Variants in LRRN2 observed in about 807,000 individuals in gnomAD.
LRRN2 encodes leucine-rich repeat neuronal protein 2.
Under a neutral mutation model 35.7 loss-of-function variants are expected in LRRN2, and 10 were observed. The ratio of observed to expected loss-of-function variants is 0.28; its 90% CI spans 0.17 to 0.47. LRRN2 has a LOEUF of 0.47. Among genes scored for constraint, LRRN2 ranks in the 20% least tolerant of loss-of-function variants. LRRN2 has a pLI of 0.99. For synonymous variants in LRRN2, 391 were observed against 409.6 expected (o/e 0.95, Z 0.55); for missense variants, 731 against 940.3 (o/e 0.78, Z 2.91).
intron 1 of LRRN2, among the ~76,000 whole-genome samples, chr1:204,654,033 CA>C (rs56179230): frequency 0.036 from 3,039 of 84,314 alleles, 53 homozygotes; most frequent in East Asian, 0.25. Context: ...GAGACCCTGA[CA>C]AAAAAAAAAA....
rs866904834 is a variant in LRRN2 at position 204,619,767 on chromosome 1, G to A, written c.226C>T (p.Leu76=). The change falls in exon 2 of 2, where the codon CTG becomes TTG. Residue 76 remains leucine, a synonymous_variant. Transcript: ENST00000367177. ...ALPAGTQTLL[L]QSNSIVRVDQ... The stretch of plus-strand genomic sequence containing the variant: ...ACACGGACAATGCTGTTGCTCTGCA[G>A]GAGCAGGGTCTGTGTGCCTGCGGGG... 3 of 1,614,260 alleles carry A rather than the reference G, an allele frequency of 1.9e-6. No homozygotes were observed. The highest frequency in any genetic ancestry group is 2.5e-6 in the Non-Finnish European group (3 of 1,180,036).
At chr1:204,661,191 T>A (rs560105696) in intron 1 of LRRN2, among the ~76,000 whole-genome samples, 3 of 152,304 alleles carry the variant, frequency 2.0e-5, no homozygotes, top group Admixed American at 2.0e-4. Context: ...GCAGAAGTGA[T>A]ACAATGTGGA....
At chr1:204,680,951 A>G (rs1315538148) in intron 1 of LRRN2, among the ~76,000 whole-genome samples, 1 of 150,892 alleles carries the variant, frequency 6.6e-6, no homozygotes, top group Non-Finnish European at 1.5e-5. Context: ...CAGCAAACAG[A>G]GAGTCACTTT....
intron 1 of LRRN2, among the ~76,000 whole-genome samples, chr1:204,679,501 GGT>G (rs939409141): frequency 2.2e-4 from 34 of 152,198 alleles, no homozygotes; most frequent in African/African-American, 7.2e-4. Flanking sequence ...AACCCAGGCT[GGT>G]TGCTAATAAT....
intron 1 of LRRN2, among the ~76,000 whole-genome samples, chr1:204,642,046 G>T (rs543680895): frequency 6.6e-6 from 1 of 152,234 alleles, no homozygotes; most frequent in African/African-American, 2.4e-5. Context: ...GGGTGCAGTG[G>T]CGGACCAGGT....
At chr1:204,683,805 C>T (rs1399987329) in intron 1 of LRRN2, among the ~76,000 whole-genome samples, 3 of 152,164 alleles carry the variant, frequency 2.0e-5, no homozygotes, top group Non-Finnish European at 4.4e-5. Context: ...GGAAGAAGGC[C>T]TAGGAGGCTC....
Position 204,685,076 on chromosome 1 carries a change from C to T in LRRN2, c.-227+244G>A, listed in dbSNP as rs1462482403. Among the ~76,000 whole-genome samples the T allele has an allele frequency of 1.3e-5, 2 of 152,268 alleles. 1 individual carries two copies. The highest frequency in any genetic ancestry group is 3.9e-4 in the East Asian group (2 of 5,152). Reference sequence around the variant, plus strand: ...GCCCTCCGTCCCTCTGCCCCTCGGCCGCCTCCCTCTCCCAAGTCTCCGGCT... The same window carrying T: ...GCCCTCCGTCCCTCTGCCCCTCGGCTGCCTCCCTCTCCCAAGTCTCCGGCT... On this transcript the variant is annotated intron_variant, in intron 1 of 1. Transcript: ENST00000367177.
chr1:204,643,989 G>A (rs963610608), intron 1 of LRRN2, among the ~76,000 whole-genome samples: 1 of 152,042 alleles, frequency 6.6e-6, no homozygotes, highest in Non-Finnish European at 1.5e-5. Flanking sequence ...TTATCATGAG[G>A]ATTAAATGTG....
intron 1 of LRRN2, among the ~76,000 whole-genome samples, chr1:204,645,861 G>A (rs568857542): frequency 2.0e-5 from 3 of 152,220 alleles, no homozygotes; most frequent in South Asian, 4.2e-4. Context: ...AAGGGCATGG[G>A]GGAAACCACG....
intron 1 of LRRN2, among the ~76,000 whole-genome samples, chr1:204,672,630 C>T (rs1668738017): frequency 6.6e-6 from 1 of 152,204 alleles, no homozygotes; most frequent in African/African-American, 2.4e-5. Context: ...ACTCCTGCTG[C>T]AGGCAGAAGT....
rs370117075 is a variant in LRRN2 at position 204,618,706 on chromosome 1, G to C, written c.1287C>G (p.Phe429Leu). Residue 429 changes from phenylalanine (F) to leucine (L), a missense_variant, in exon 2 of 2, where the codon TTC (phenylalanine) becomes TTG (leucine). By Grantham distance (22) the Phe-to-Leu change is conservative (BLOSUM62 0). Around this residue, in one of 3 missense-constraint regions of LRRN2, gnomAD observed 256 missense variants for 392.4 expected, o/e 0.65. Coordinates refer to ENST00000367177, the MANE Select transcript of LRRN2 (RefSeq NM_201630.2). ...CACTGGCTACCTGGAGGCTTGGGGG[G>C]AAGCTTCGTGGGGAGATGAGGGGCA... ...HCLPLISPRS[F>L]PPSLQVASGE... 81 of 1,599,842 alleles carry C rather than the reference G, an allele frequency of 5.1e-5. No individual in the cohort carries two copies. The highest frequency in any genetic ancestry group is 6.7e-5 in the Non-Finnish European group (78 of 1,171,662).
At chr1:204,632,314 T>C (rs1667724987) in intron 1 of LRRN2, among the ~76,000 whole-genome samples, 1 of 151,926 alleles carries the variant, frequency 6.6e-6, no homozygotes, top group Non-Finnish European at 1.5e-5. Flanking sequence ...GCTGTTCAGA[T>C]CAAATGCACC....
At chr1:204,669,168 G>GA (rs1197110419) in intron 1 of LRRN2, among the ~76,000 whole-genome samples, 1 of 152,112 alleles carries the variant, frequency 6.6e-6, no homozygotes, top group East Asian at 1.9e-4. Flanking sequence ...TATTGTTCCT[G>GA]AAAAATCTAT....
At chr1:204,682,891 G>T (rs1051243180) in intron 1 of LRRN2, 2 of 152,226 alleles carry the variant, frequency 1.3e-5, no homozygotes, top group African/African-American at 4.8e-5. Flanking sequence ...CAAGCTGTGG[G>T]TCTTTGAACG....
intron 1 of LRRN2, among the ~76,000 whole-genome samples, chr1:204,652,262 C>T (rs534271815): frequency 5.0e-5 from 1 of 19,840 alleles, no homozygotes; most frequent in African/African-American, 1.2e-4. Context: ...TCTTCACCGC[C>T]CCCCCCCCGC....
chr1:204,681,650 C>T (rs974845268), intron 1 of LRRN2, among the ~76,000 whole-genome samples: 22 of 152,162 alleles, frequency 1.4e-4, no homozygotes, highest in African/African-American at 5.3e-4. Context: ...AGCACAGAGC[C>T]AGGCACACAG....
Position 204,618,802 on chromosome 1 carries a change from A to G in LRRN2, c.1191T>C (p.Cys397=), listed in dbSNP as rs1666602609. Residue 397 remains cysteine, a synonymous_variant, in exon 2 of 2, where the codon TGT becomes TGC. Coordinates refer to ENST00000367177, the MANE Select transcript of LRRN2 (RefSeq NM_201630.2). ...GGCGCTGGAGGTCCGGAGGCTCCGCACACAGGGTGGATTGCGGCTCGATGA... is the reference window on the plus strand; with the variant it reads ...GGCGCTGGAGGTCCGGAGGCTCCGCGCACAGGGTGGATTGCGGCTCGATGA... ...VRFIEPQSTL[C]AEPPDLQRLP... is the part of the protein sequence containing the mutation. 6.2e-7 allele frequency: 1 copy of G among 1,614,074 alleles called. No homozygotes were observed. Among genetic ancestry groups the G allele is most frequent in the East Asian group, 2.2e-5 (1 of 44,858 alleles).
intron 1 of LRRN2, among the ~76,000 whole-genome samples, chr1:204,631,767 A>C (rs1474664599): frequency 6.6e-6 from 1 of 152,106 alleles, no homozygotes; most frequent in Non-Finnish European, 1.5e-5. Context: ...CACTAGGAGC[A>C]AAGGTCCCAA....
rs545830031 is a variant in LRRN2, at chr1:204,641,365, T to C, written c.-226-21147A>G. 3.9e-5 allele frequency among the ~76,000 whole-genome samples: 6 copies of C among 152,358 alleles called. No individual in the cohort carries two copies. In the East Asian group the frequency reaches 1.2e-3, roughly 29 times the overall value. ...GGCATGCGGATTCCCAGTGCAATGC[T>C]CTATTCCAAAATAAGTATCTTTTTC... On this transcript the variant is annotated intron_variant, in intron 1 of 1. Coordinates refer to ENST00000367177, the MANE Select transcript of LRRN2 (RefSeq NM_201630.2).
Sources: gnomAD v4.1 joint callset for allele counts (sites outside exome capture counted in the v4.1 genomes callset) on GRCh38, gnomAD v4.1.1 for gene constraint, gnomAD v4.1.1 regional missense constraint, MANE v1.5 for transcripts, NCBI Gene and HGNC (gene_info 2026-07-23, HGNC 2026-07-21) for gene names.